Variants in PBRM1 observed in about 807,000 individuals in gnomAD.
PBRM1 encodes the protein polybromo 1.
A neutral mutation model predicts 194.5 loss-of-function variants in PBRM1; 27 were observed. The observed-to-expected ratio is 0.14, with a 90% CI of 0.10 to 0.19. The LOEUF is 0.19. PBRM1 is among the 10% of genes least tolerant of loss of function. The pLI is 1.00. For synonymous variants in PBRM1, 655 were observed against 693.2 expected (o/e 0.94, Z 0.87); for missense variants, 1,466 against 2,077.2 (o/e 0.71, Z 5.72).
chr3:52,642,024 T>G, exon 10 of PBRM1: 1 of 1,556,424 alleles, frequency 6.4e-7, no homozygotes, highest in East Asian at 2.2e-5. Flanking sequence ...ATAAACGACC[T>G]CCTTGTACTG....
chr3:52,547,339 T>G (rs1390448963), downstream of PBRM1: 1 of 233,026 alleles, frequency 4.3e-6, no homozygotes, highest in African/African-American at 2.2e-5. Flanking sequence ...TCAGCACAAT[T>G]GAAAAAGTGC....
intron 7 of PBRM1, among the ~76,000 whole-genome samples, chr3:52,645,673 G>A (rs924597702): frequency 2.0e-5 from 3 of 151,820 alleles, no homozygotes; most frequent in African/African-American, 4.8e-5. Context: ...CACAGCAGTC[G>A]AGCTGATAAC....
At chr3:52,621,822 T>TG (rs2095287045) in intron 13 of PBRM1, among the ~76,000 whole-genome samples, 1 of 152,028 alleles carries the variant, frequency 6.6e-6, no homozygotes, top group Non-Finnish European at 1.5e-5. Context: ...GAGGCTGAAG[T>TG]GGGAGGACTG....
At chr3:52,561,056 A>G (rs910782542) in intron 25 of PBRM1, among the ~76,000 whole-genome samples, 2 of 152,126 alleles carry the variant, frequency 1.3e-5, no homozygotes, top group African/African-American at 2.4e-5. Flanking sequence ...GCTTACTACT[A>G]ATTTCTTTAC....
chr3:52,578,861 A>G (rs2090363833), intron 21 of PBRM1, among the ~76,000 whole-genome samples, 193 bp downstream of exon 23: 1 of 152,244 alleles, frequency 6.6e-6, no homozygotes, highest in African/African-American at 2.4e-5. Flanking sequence ...TTCTGTAAAT[A>G]GTGGAAGAAA....
chr3:52,589,235 A>C, exon 18 of PBRM1: 1 of 1,543,766 alleles, frequency 6.5e-7, no homozygotes, highest in East Asian at 2.4e-5. Flanking sequence ...GCACCAGAGG[A>C]ATCTTCACTC....
At chr3:52,601,553 C>T (rs578109280) in intron 17 of PBRM1, among the ~76,000 whole-genome samples, 4 of 151,350 alleles carry the variant, frequency 2.6e-5, no homozygotes, top group South Asian at 2.1e-4. Flanking sequence ...TGCCACTCAC[C>T]GGCTCCTGTG....
chr3:52,613,428 T>C (rs2094762950), intron 15 of PBRM1, among the ~76,000 whole-genome samples: 1 of 151,614 alleles, frequency 6.6e-6, no homozygotes, highest in Non-Finnish European at 1.5e-5. Flanking sequence ...CTTGACCTCG[T>C]GGGCTCAAGC....
chr3:52,626,862 G>A (rs1219963773), intron 13 of PBRM1, among the ~76,000 whole-genome samples: 1 of 152,062 alleles, frequency 6.6e-6, no homozygotes, highest in African/African-American at 2.4e-5. Flanking sequence ...ACAAAGGGTA[G>A]GACCAATGGC....
At chr3:52,644,436 G>A (rs2096227314) in intron 8 of PBRM1, among the ~76,000 whole-genome samples, 1 of 151,950 alleles carries the variant, frequency 6.6e-6, no homozygotes. Flanking sequence ...CCAGGCTGGA[G>A]TGCAGTGGTG....
At chr3:52,615,605 C>T in intron 14 of PBRM1, 149 bp from the exon 17 acceptor site, 1 of 593,070 alleles carries the variant, frequency 1.7e-6, no homozygotes, top group South Asian at 2.1e-5. Context: ...GCAATAAAAT[C>T]ACTCTATCTG....
rs143708759 is a variant in PBRM1, at chr3:52,594,655, T to A, written c.2780-5400A>T. Among the ~76,000 whole-genome samples the A allele has an allele frequency of 4.0e-3, 613 of 152,328 alleles. 3 individuals carry two copies. Among genetic ancestry groups the A allele is most frequent in the South Asian group, 0.023 (109 of 4,822 alleles). On this transcript the variant is annotated intron_variant, in intron 17 of 29. Transcript: ENST00000296302. ...GTTGTTAGCTGGAAGCAATCTTGTT[T>A]GTGTTGTGTCATTGGTCTATATACT...
intron 22 of PBRM1, among the ~76,000 whole-genome samples, chr3:52,566,847 T>C (rs561391287): frequency 6.6e-6 from 1 of 152,234 alleles, no homozygotes; most frequent in East Asian, 1.9e-4. Flanking sequence ...GGTGGGCGGA[T>C]CACCTGAGGT....
At chr3:52,618,551 ACAGTGAAGTAG>A (rs2095095000) in intron 13 of PBRM1, among the ~76,000 whole-genome samples, 1 of 152,114 alleles carries the variant, frequency 6.6e-6, no homozygotes, top group Non-Finnish European at 1.5e-5. Context: ...CTCCAAGTGA[ACAGTGAAGTAG>A]GTAATAACAA....
chr3:52,629,173 C>G, intron 11 of PBRM1, 138 bp from the exon 13 acceptor site: 1 of 645,676 alleles, frequency 1.5e-6, no homozygotes, highest in Non-Finnish European at 2.6e-6. Context: ...TTAAAAATGA[C>G]TTTTGAGATA....
intron 25 of PBRM1, chr3:52,560,549 G>A (rs2083273914): frequency 6.6e-6 from 1 of 152,182 alleles, no homozygotes; most frequent in Non-Finnish European, 1.5e-5. Context: ...TGGTCTTAAA[G>A]CCTTTAATAT....
chr3:52,642,614 A>G (rs796911677), intron 9 of PBRM1, among the ~76,000 whole-genome samples: 27 of 135,504 alleles, frequency 2.0e-4, no homozygotes, highest in African/African-American at 8.8e-4. Flanking sequence ...GTCTCAAAAA[A>G]AAAAAAAAAA....
At chr3:52,675,210 C>T (rs1314390367) in intron 2 of PBRM1, among the ~76,000 whole-genome samples, 1 of 152,116 alleles carries the variant, frequency 6.6e-6, no homozygotes, top group African/African-American at 2.4e-5. Flanking sequence ...AGTAAGGAGA[C>T]TGAATCAGTA....
chr3:52,628,644 C>T (rs1194901774), intron 12 of PBRM1, among the ~76,000 whole-genome samples: 1 of 151,508 alleles, frequency 6.6e-6, no homozygotes, highest in Non-Finnish European at 1.5e-5. Flanking sequence ...CTAATTTTTG[C>T]AGTTTTTGTA....
Sources: gnomAD v4.1 joint callset for allele counts (sites outside exome capture counted in the v4.1 genomes callset) on GRCh38, gnomAD v4.1.1 for gene constraint, MANE v1.5 for transcripts, NCBI Gene and HGNC (gene_info 2026-07-23, HGNC 2026-07-21) for gene names.